The following VKORC1L1 variants were observed in gnomAD, a reference collection of about 807,000 sequenced individuals.
VKORC1L1 encodes vitamin K epoxide reductase complex subunit 1L1.
A neutral mutation model predicts 18.9 loss-of-function variants in VKORC1L1; 2 were observed. That is an observed-to-expected ratio of 0.11 (90% confidence interval 0.04 to 0.33). The LOEUF is 0.33. Among genes scored for constraint, VKORC1L1 ranks in the 10% least tolerant of loss-of-function variants. The pLI is 1.00. For synonymous variants in VKORC1L1, 96 were observed against 100.0 expected (o/e 0.96, Z 0.24); for missense variants, 123 against 224.1 (o/e 0.55, Z 2.88).
chr7:65,896,118 C>A (rs1333079949), intron 1 of VKORC1L1, among the ~76,000 whole-genome samples: 1 of 148,898 alleles, frequency 6.7e-6, no homozygotes, highest in Non-Finnish European at 1.5e-5. Flanking sequence ...TGGCCAGGCT[C>A]GTTTTGAACT....
intron 1 of VKORC1L1, among the ~76,000 whole-genome samples, chr7:65,886,415 G>T (rs938754027): frequency 6.6e-6 from 1 of 151,848 alleles, no homozygotes; most frequent in Non-Finnish European, 1.5e-5. Context: ...TTTCAGGAGG[G>T]GTTGTTTTAT....
upstream of VKORC1L1, among the ~76,000 whole-genome samples, chr7:65,869,088 G>A (rs1182030871): frequency 1.3e-5 from 2 of 152,058 alleles, no homozygotes; most frequent in Non-Finnish European, 2.9e-5. Flanking sequence ...GCCGAGGCGG[G>A]CAGATCACTT....
chr7:65,932,661 A>G (rs78518747), intron 1 of VKORC1L1, among the ~76,000 whole-genome samples: 13,652 of 152,278 alleles, frequency 0.09, 783 homozygotes, highest in Non-Finnish European at 0.12. Flanking sequence ...GTTTAATTCT[A>G]TTATGGTCAG....
intron 1 of VKORC1L1, among the ~76,000 whole-genome samples, chr7:65,916,798 A>T (rs922038321): frequency 6.6e-6 from 1 of 152,124 alleles, no homozygotes; most frequent in East Asian, 1.9e-4. Context: ...GGGTTTCTCC[A>T]TGTTGGTCAG....
At position 65,958,298 on chromosome 7, in the gene VKORC1L1, A is replaced by C. The variant is rs985838420; in HGVS notation, c.*3998A>C. 6.6e-6 allele frequency: 1 copy of C among 152,244 alleles called. No individual in the cohort carries two copies. Among genetic ancestry groups the C allele is most frequent in the Non-Finnish European group, 1.5e-5 (1 of 68,044 alleles). The allele number at this position is 152,244 out of a possible 1,614,324, so 9.4% of individuals were successfully genotyped here. The stretch of plus-strand genomic sequence containing the variant: ...AGCATGGCCTAAGTATTTATTAGGT[A>C]TATGATCTGTGTAGTATGTTCCATC... On this transcript the variant is annotated 3_prime_UTR_variant, in exon 3 of 3. Transcript: ENST00000360768.
rs1053199271 is a variant in VKORC1L1, at chr7:65,956,607, A to G, written c.*2307A>G. 2.0e-5 allele frequency: 3 copies of G among 152,164 alleles called. No individual in the cohort carries two copies. The highest frequency in any genetic ancestry group is 7.2e-5 in the African/African-American group (3 of 41,436). 9.4% of individuals were successfully genotyped at this position (152,164 alleles called of 1,614,324 possible). On this transcript the variant is annotated 3_prime_UTR_variant, in exon 3 of 3. Transcript: ENST00000360768. ...TTAATACCCTTTTTCTCACTGAGAG[A>G]GGAACACGTACTGCCTGTCATAACA...
At chr7:65,950,354 TTTTA>T (rs754606388) in intron 2 of VKORC1L1, among the ~76,000 whole-genome samples, 1 of 152,242 alleles carries the variant, frequency 6.6e-6, no homozygotes. Context: ...TGCCTTTGCA[TTTTA>T]TTTTTCTTCT....
Position 65,955,447 on chromosome 7 carries a change from C to T in VKORC1L1, c.*1147C>T, listed in dbSNP as rs1790279493. The stretch of plus-strand genomic sequence containing the variant: ...TGACATGCTGCCCAGTTTGCTTCAT[C>T]GGGAGAATAGCAACAGGTAGACACA... On this transcript the variant is annotated 3_prime_UTR_variant, in exon 3 of 3. Transcript: ENST00000360768. 1 of 152,202 alleles carries T rather than the reference C, an allele frequency of 6.6e-6. No homozygotes were observed. Among genetic ancestry groups the T allele is most frequent in the African/African-American group, 2.4e-5 (1 of 41,444 alleles). The allele number at this position is 152,202 out of a possible 1,614,324, so 9.4% of individuals were successfully genotyped here.
intron 1 of VKORC1L1, among the ~76,000 whole-genome samples, chr7:65,895,466 AAAAAAAAAAAAAAAATATATATAT>A (rs1210024339): frequency 1.4e-4 from 7 of 50,340 alleles, no homozygotes; most frequent in African/African-American, 5.8e-4. Flanking sequence ...AAAAAAAAAA[AAAAAAAAAAAAAAAATATATATAT>A]ATATATATAT....
intron 1 of VKORC1L1, among the ~76,000 whole-genome samples, chr7:65,924,165 A>G (rs539459092): frequency 1.3e-5 from 2 of 152,316 alleles, no homozygotes; most frequent in South Asian, 4.1e-4. Context: ...AGTATGTTCT[A>G]ATATCTTCAT....
At chr7:65,939,704 G>A (rs1484939700) in intron 1 of VKORC1L1, among the ~76,000 whole-genome samples, 1 of 152,188 alleles carries the variant, frequency 6.6e-6, no homozygotes, top group African/African-American at 2.4e-5. Flanking sequence ...GGAGAAACAA[G>A]GCTTAGCCAG....
At chr7:65,881,292 CAAAT>C (rs1788923653) in intron 1 of VKORC1L1, among the ~76,000 whole-genome samples, 1 of 152,134 alleles carries the variant, frequency 6.6e-6, no homozygotes, top group African/African-American at 2.4e-5. Flanking sequence ...TATACACAGT[CAAAT>C]GAATCTCATG....
chr7:65,951,788 G>T (rs1790218370), intron 2 of VKORC1L1, among the ~76,000 whole-genome samples: 1 of 151,976 alleles, frequency 6.6e-6, no homozygotes, highest in South Asian at 2.1e-4. Flanking sequence ...CCACTGTTCT[G>T]CAGCTTGCAT....
chr7:65,897,648 C>T (rs192745861), intron 1 of VKORC1L1, among the ~76,000 whole-genome samples: 247 of 144,588 alleles, frequency 1.7e-3, no homozygotes, highest in Non-Finnish European at 3.0e-3. Context: ...ATTACTCTTG[C>T]GGAGCTCACT....
intron 1 of VKORC1L1, among the ~76,000 whole-genome samples, chr7:65,917,692 A>G (rs1443730327): frequency 6.6e-6 from 1 of 152,218 alleles, no homozygotes; most frequent in Non-Finnish European, 1.5e-5. Context: ...TATTTGCTAT[A>G]CAATTATCTA....
chr7:65,926,542 T>C, intron 1 of VKORC1L1, among the ~76,000 whole-genome samples: 1 of 152,212 alleles, frequency 6.6e-6, no homozygotes, highest in South Asian at 2.1e-4. Flanking sequence ...AGTATGGAGA[T>C]TTCTTAAAGA....
intron 1 of VKORC1L1, among the ~76,000 whole-genome samples, chr7:65,874,488 C>T (rs1425573239): frequency 6.6e-6 from 1 of 151,906 alleles, no homozygotes; most frequent in Non-Finnish European, 1.5e-5. Context: ...TGAGCCACCG[C>T]GCCTGGCCTG....
At chr7:65,871,312 CAGCTTCCCAAGT>C (rs1356368776), upstream of VKORC1L1, among the ~76,000 whole-genome samples, 1 of 152,094 alleles carries the variant, frequency 6.6e-6, no homozygotes, top group African/African-American at 2.4e-5. Context: ...TCTCATGCCT[CAGCTTCCCAAGT>C]AGCTGGGTTT....
chr7:65,917,703 C>T (rs1161477018), intron 1 of VKORC1L1, among the ~76,000 whole-genome samples: 1 of 152,210 alleles, frequency 6.6e-6, no homozygotes, highest in African/African-American at 2.4e-5. Context: ...CAATTATCTA[C>T]CCCTGTATCC....
Sources: allele counts gnomAD v4.1 joint callset (sites outside exome capture counted in the v4.1 genomes callset), GRCh38; gene constraint gnomAD v4.1.1; transcripts MANE v1.5; gene names NCBI Gene and HGNC (gene_info 2026-07-23, HGNC 2026-07-21).